Variants in NCOR2 observed in about 807,000 individuals in gnomAD.
NCOR2 encodes CTG repeat protein 26.
A neutral mutation model predicts 262.9 loss-of-function variants in NCOR2; 81 were observed. That is an observed-to-expected ratio of 0.31 (90% CI 0.26 to 0.37). The LOEUF (loss-of-function observed/expected upper bound fraction) is 0.37. NCOR2 is among the 10% of genes least tolerant of loss of function. The pLI is 1.00. For synonymous variants in NCOR2, 1,659 were observed against 1,559.3 expected (o/e 1.06, Z -1.51); for missense variants, 3,385 against 3,621.4 (o/e 0.93, Z 1.68).
At chr12:124,431,480 A>G (rs1368139952) in intron 8 of NCOR2, among the ~76,000 whole-genome samples, 1 of 149,154 alleles carries the variant, frequency 6.7e-6, no homozygotes, top group Non-Finnish European at 1.5e-5. Flanking sequence ...AGAGAGACAC[A>G]CACACACAGA....
intron 7 of NCOR2, among the ~76,000 whole-genome samples, chr12:124,447,952 C>T (rs1471622020): frequency 1.3e-5 from 2 of 152,162 alleles, no homozygotes; most frequent in African/African-American, 4.8e-5. Flanking sequence ...CCAAAGTGCT[C>T]GGATTATAGG....
In NCOR2 at chr12:124,457,503, C is replaced by T. The variant is rs1306067570; in HGVS notation, c.706-341G>A. On this transcript the variant is annotated intron_variant, in intron 5 of 46. Coordinates refer to ENST00000405201, the Ensembl canonical transcript of NCOR2. This position sits in a 1 kb window ranked among gnomAD's most constrained non-coding sequence, Gnocchi z 4.0. ...CCGCTCCCCACCAGCCCAGCCGACA[C>T]TGCCAGCCCTGAGATGCCTTCCCTC... is the stretch of plus-strand genomic sequence containing the variant. Among the ~76,000 whole-genome samples the T allele has an allele frequency of 6.6e-6, 1 of 152,140 alleles. No individual in the cohort carries two copies. The highest frequency in any genetic ancestry group is 2.4e-5 in the African/African-American group (1 of 41,420).
chr12:124,554,222 T>C (rs1261593759), intron 1 of NCOR2, among the ~76,000 whole-genome samples: 1 of 152,112 alleles, frequency 6.6e-6, no homozygotes. Context: ...TGCCGCGAGG[T>C]GGCATCACTC....
Position 124,527,424 on chromosome 12 carries a change from A to AT in NCOR2, c.-118+8140dup, listed in dbSNP as rs549129924. ...TAGGTGATGAAATAATTTTTTATTTATTTTTTTTTTTGAGGTGGAGTCTTG... is the reference window on the plus strand; with the variant it reads ...TAGGTGATGAAATAATTTTTTATTTATTTTTTTTTTTTGAGGTGGAGTCTTG... On this transcript the variant is annotated intron_variant, in intron 1 of 46. Transcript: ENST00000404621. Among the ~76,000 whole-genome samples the AT allele has an allele frequency of 4.2e-3, 628 of 148,190 alleles. 2 individuals carry two copies. Among genetic ancestry groups the AT allele is most frequent in the African/African-American group, 0.011 (451 of 40,670 alleles).
chr12:124,335,424 G>T, intron 39 of NCOR2, 59 bp downstream of exon 41: 1 of 1,562,640 alleles, frequency 6.4e-7, no homozygotes, highest in Non-Finnish European at 8.6e-7. Flanking sequence ...TGCATGATGG[G>T]GCCTTGAGGG....
intron 25 of NCOR2, 104 bp from the exon 28 acceptor site, chr12:124,354,686 C>T: frequency 2.3e-6 from 3 of 1,318,746 alleles, no homozygotes; most frequent in Non-Finnish European, 1.0e-6. Flanking sequence ...CTGCCCCTCC[C>T]CACCATGTTC....
exon 46 of NCOR2, chr12:124,326,312 C>G (rs764768989): frequency 1.3e-6 from 2 of 1,552,594 alleles, no homozygotes; most frequent in Non-Finnish European, 1.7e-6. Flanking sequence ...GGCCCGGGGC[C>G]GGGGACTTGG....
chr12:124,562,437 G>A lies in NCOR2; in HGVS notation c.-165+4871C>T, dbSNP rs552807183. Among the ~76,000 whole-genome samples, 12 of 152,340 alleles carry A rather than the reference G, an allele frequency of 7.9e-5. No homozygotes were observed. In the South Asian group the frequency reaches 2.3e-3, roughly 29 times the overall value. On this transcript the variant is annotated intron_variant, in intron 1 of 32. Transcript: ENST00000458234. ...TCACTCAAGTTCTTAACAAATGGAA[G>A]CACGATTCAAACCCTGCTCCTTTTT...
chr12:124,478,284 A>G (rs2047216530), intron 3 of NCOR2, among the ~76,000 whole-genome samples: 1 of 152,210 alleles, frequency 6.6e-6, no homozygotes, highest in Admixed American at 6.5e-5. Context: ...GCTGGACTTC[A>G]GTTATGTGAG....
chr12:124,395,484 C>T (rs1346285811), intron 16 of NCOR2, among the ~76,000 whole-genome samples: 7 of 152,242 alleles, frequency 4.6e-5, no homozygotes, highest in Admixed American at 1.3e-4. Flanking sequence ...TCCGCGTGCA[C>T]GGCCCCCAGG....
chr12:124,495,158 G>C lies in NCOR2; in HGVS notation c.94C>G (p.Arg32Gly), dbSNP rs1460050325. Residue 32 changes from arginine (R) to glycine (G), a missense_variant, in exon 1 of 47, where the codon CGG (arginine) becomes GGG (glycine). Around this residue, in one of 5 missense-constraint regions of NCOR2, gnomAD observed 237 missense variants for 229.4 expected, o/e 1.03. Coordinates refer to ENST00000405201, the Ensembl canonical transcript of NCOR2. This position sits in a 1 kb window ranked among gnomAD's most constrained non-coding sequence, Gnocchi z 4.4. ...GTGCACCCCCTTACCGTGTGCGTCC[G>C]GGCGATCTGCACTGGGTAGGAAAGG... The C allele has an allele frequency of 3.1e-6, 5 of 1,613,746 alleles. No individual in the cohort carries two copies. The highest frequency in any genetic ancestry group is 1.3e-5 in the African/African-American group (1 of 74,894).
Position 124,342,183 on chromosome 12 carries a change from C to G in NCOR2, c.4937-109G>C, listed in dbSNP as rs910133152. 7.5e-6 allele frequency: 10 copies of G among 1,326,504 alleles called. No homozygotes were observed. In the Admixed American group the frequency reaches 1.0e-4, roughly 13 times the overall value. The allele number at this position is 1,326,504 out of a possible 1,614,324, so 82.2% of individuals were successfully genotyped here. The stretch of plus-strand genomic sequence containing the variant: ...TCTGCACCCGGACAGCTTCTCCCAC[C>G]TACATGTGTGGCTGCCCAAAGCACA... On this transcript the variant is annotated intron_variant, in intron 33 of 46. Coordinates refer to ENST00000405201, the Ensembl canonical transcript of NCOR2.
chr12:124,444,111 CG>C (rs897422897), intron 7 of NCOR2, among the ~76,000 whole-genome samples: 8 of 152,128 alleles, frequency 5.3e-5, no homozygotes, highest in South Asian at 4.1e-4. Flanking sequence ...CTCTGGCAAA[CG>C]TTTTTTTAAG....
chr12:124,445,598 G>C (rs71458845), intron 7 of NCOR2, among the ~76,000 whole-genome samples: 2,929 of 152,266 alleles, frequency 0.019, 32 homozygotes, highest in Middle Eastern at 0.044. Flanking sequence ...AGCAGCGGGG[G>C]CGAGGAGGCC....
chr12:124,435,187 A>G (rs1000301931), intron 8 of NCOR2, among the ~76,000 whole-genome samples: 3 of 152,080 alleles, frequency 2.0e-5, no homozygotes, highest in African/African-American at 7.2e-5. Context: ...TTCCCACCTC[A>G]GCACTGAGGT....
Position 124,517,851 on chromosome 12 carries a change from C to T in NCOR2, c.-118+17714G>A, listed in dbSNP as rs377741394. 1.2e-3 allele frequency among the ~76,000 whole-genome samples: 182 copies of T among 152,338 alleles called. 5 individuals carry two copies. The highest frequency in any genetic ancestry group is 4.2e-3 in the African/African-American group (176 of 41,584). On this transcript the variant is annotated intron_variant, in intron 1 of 46. Coordinates refer to the NCOR2 transcript ENST00000404621. The surrounding 1 kb of genome is among the most constrained non-coding windows in gnomAD (Gnocchi z 7.6). ...ACTTCGTCCGATGAGACAGCCCTGC[C>T]CACCATCCCGCTGAGCTCAGGGCCG... is the stretch of plus-strand genomic sequence containing the variant.
At chr12:124,428,274 C>T (rs1009872840) in intron 10 of NCOR2, among the ~76,000 whole-genome samples, 3 of 152,224 alleles carry the variant, frequency 2.0e-5, no homozygotes, top group Non-Finnish European at 2.9e-5. Context: ...GCCCAGCCTT[C>T]GAGGGCCGGG....
chr12:124,437,830 A>C, intron 8 of NCOR2, 100 bp downstream of exon 10: 2 of 1,077,250 alleles, frequency 1.9e-6, no homozygotes, highest in Non-Finnish European at 2.6e-6. Context: ...GGGAGGACAC[A>C]GCTGCGGAAC....
At chr12:124,540,246 C>CAGGGAGGGT (rs2051250176), upstream of NCOR2, among the ~76,000 whole-genome samples, 2 of 148,478 alleles carry the variant, frequency 1.3e-5, no homozygotes, top group Non-Finnish European at 1.5e-5. Flanking sequence ...GCAGGGAGGG[C>CAGGGAGGGT]CCCCTGCAGG....
Sources: gnomAD v4.1 joint callset for allele counts (sites outside exome capture counted in the v4.1 genomes callset) on GRCh38, gnomAD v4.1.1 for gene constraint, gnomAD v4.1.1 regional missense constraint, Gnocchi (gnomAD v3.1) non-coding constraint, MANE v1.5 for transcripts, NCBI Gene and HGNC (gene_info 2026-07-23, HGNC 2026-07-21) for gene names.